The following NLRP1 variants were observed in gnomAD, a reference collection of about 807,000 sequenced individuals.
NLRP1 encodes NLR family pyrin domain containing 1, also known as NACHT, LRR and PYD domains-containing protein 1.
A neutral mutation model predicts 136.7 loss-of-function variants in NLRP1; 94 were observed. That is an observed-to-expected ratio of 0.69 (90% CI 0.58 to 0.82). NLRP1 has a LOEUF of 0.82. Among genes scored for constraint, NLRP1 ranks in the 40% least tolerant of loss-of-function variants. The probability of loss-of-function intolerance (pLI) is 0.00; values close to 1 mark genes in which losing one functional copy is unlikely to be tolerated. For missense variants in NLRP1, 1,575 were observed against 1,802.7 expected, an observed-to-expected ratio of 0.87 and a Z score of 2.29; for synonymous variants, 690 against 725.1, an observed-to-expected ratio of 0.95 and a Z score of 0.78.
chr17:5,556,161 C>CACACACACACATAT (rs908575596), intron 4 of NLRP1, among the ~76,000 whole-genome samples: 2 of 118,298 alleles, frequency 1.7e-5, no homozygotes, highest in African/African-American at 6.4e-5. Flanking sequence ...CACACACACA[C>CACACACACACATAT]ATGAAGGGCT....
In NLRP1 at chr17:5,583,603, C is replaced by G; in HGVS notation, c.271+84G>C. 8.8e-6 allele frequency: 12 copies of G among 1,371,270 alleles called. No individual in the cohort carries two copies. In the South Asian group the frequency reaches 1.7e-4, roughly 20 times the overall value. 84.9% of individuals were successfully genotyped at this position (1,371,270 alleles called of 1,614,324 possible). ...TCAGAGGAAGGCCTGGCAGGGAGGGCTCAGTGGTGGGGTCCCAAGAGGGCA... is the reference window on the plus strand; with the variant it reads ...TCAGAGGAAGGCCTGGCAGGGAGGGGTCAGTGGTGGGGTCCCAAGAGGGCA... On this transcript the variant is annotated intron_variant, in intron 1 of 16. Transcript: ENST00000572272. This position sits in a 1 kb window ranked among gnomAD's most constrained non-coding sequence, Gnocchi z 4.5.
At chr17:5,532,737 G>A in intron 11 of NLRP1, 85 bp downstream of exon 11, 1 of 1,238,782 alleles carries the variant, frequency 8.1e-7, no homozygotes, top group Non-Finnish European at 1.1e-6. Flanking sequence ...GGGGGTAGGG[G>A]GTGGCGCTGA....
chr17:5,542,965 GA>G (rs1912067392), intron 5 of NLRP1, among the ~76,000 whole-genome samples: 1 of 152,098 alleles, frequency 6.6e-6, no homozygotes, highest in African/African-American at 2.4e-5. Context: ...GAGTAGCTGG[GA>G]TTACAGGTGC....
At chr17:5,506,146 T>C (rs949780362) in intron 15 of NLRP1, among the ~76,000 whole-genome samples, 5 of 151,538 alleles carry the variant, frequency 3.3e-5, no homozygotes, top group Non-Finnish European at 7.4e-5. Context: ...TAGCTGGGCA[T>C]GGGGGTGGGC....
rs1914444952 is a variant in NLRP1, at chr17:5,559,132, C to T, written c.1564G>A (p.Val522Met). ...ELWALCLVPW[V>M]SWLACTCLMQ... Reference sequence around the variant, plus strand: ...AGGCAAGTGCAGGCCAGCCAGGACACCCAGGGCACAAGACACAGGGCCCAG... The same window carrying T: ...AGGCAAGTGCAGGCCAGCCAGGACATCCAGGGCACAAGACACAGGGCCCAG... The change falls in exon 4 of 17, where the codon GTG becomes ATG. Residue 522 changes from valine (V) to methionine (M), a missense_variant. Coordinates refer to ENST00000572272, the MANE Select transcript of NLRP1 (RefSeq NM_033004.4). 1 of 1,614,146 alleles carries T rather than the reference C, an allele frequency of 6.2e-7. No individual in the cohort carries two copies. Among genetic ancestry groups the T allele is most frequent in the Non-Finnish European group, 8.5e-7 (1 of 1,180,010 alleles).
intron 3 of NLRP1, among the ~76,000 whole-genome samples, chr17:5,575,956 T>G (rs576156760): frequency 6.6e-6 from 1 of 152,264 alleles, no homozygotes; most frequent in Non-Finnish European, 1.5e-5. Flanking sequence ...AAACTAGAAC[T>G]CAGGATTAAG....
At chr17:5,520,302 T>C (rs1026298443) in intron 14 of NLRP1, among the ~76,000 whole-genome samples, 20 of 152,306 alleles carry the variant, frequency 1.3e-4, no homozygotes, top group African/African-American at 4.8e-4. Flanking sequence ...TTTGCTATAC[T>C]GACCTCTTTT....
chr17:5,534,188 C>G (rs988537471), intron 8 of NLRP1, among the ~76,000 whole-genome samples, 200 bp from the exon 9 acceptor site: 5 of 151,968 alleles, frequency 3.3e-5, no homozygotes, highest in Non-Finnish European at 7.4e-5. Context: ...ATAGTGAGAC[C>G]TCCCCACCTC....
chr17:5,512,513 C>A, downstream of NLRP1: 1 of 636,290 alleles, frequency 1.6e-6, no homozygotes. Context: ...AATCTTCTTA[C>A]TTCCCATTGA....
intron 14 of NLRP1, 82 bp from the exon 15 acceptor site, chr17:5,517,969 C>T: frequency 1.4e-6 from 2 of 1,404,082 alleles, no homozygotes; most frequent in Non-Finnish European, 2.0e-6. Context: ...CTTGGCCCTG[C>T]TTGGCTCCAT....
intron 3 of NLRP1, among the ~76,000 whole-genome samples, chr17:5,573,985 G>C (rs1338379986): frequency 6.6e-6 from 1 of 152,164 alleles, no homozygotes; most frequent in Non-Finnish European, 1.5e-5. Flanking sequence ...GAGAGAAGAA[G>C]GCTTCAGAAG....
At chr17:5,517,640 C>G (rs973296633) in intron 15 of NLRP1, 106 bp downstream of exon 15, 2 of 1,299,074 alleles carry the variant, frequency 1.5e-6, no homozygotes, top group Non-Finnish European at 2.2e-6. Context: ...CCTGCCTCGG[C>G]CTCCCAAAGT....
chr17:5,526,291 G>C (rs1909545286), intron 12 of NLRP1, among the ~76,000 whole-genome samples: 2 of 152,102 alleles, frequency 1.3e-5, no homozygotes, highest in Non-Finnish European at 2.9e-5. Flanking sequence ...AAGGTATTTT[G>C]AATATCCATT....
intron 5 of NLRP1, among the ~76,000 whole-genome samples, chr17:5,545,399 C>T (rs896873116): frequency 4.7e-5 from 7 of 149,010 alleles, no homozygotes; most frequent in Non-Finnish European, 6.0e-5. Flanking sequence ...CAGACACACA[C>T]GGATACACAC....
intron 5 of NLRP1, among the ~76,000 whole-genome samples, chr17:5,547,403 T>C (rs977233912): frequency 1.3e-5 from 2 of 152,224 alleles, no homozygotes; most frequent in South Asian, 2.1e-4. Flanking sequence ...AACCTACCCA[T>C]AGTTTTCAAT....
chr17:5,529,163 C>A (rs1476645206), intron 12 of NLRP1, among the ~76,000 whole-genome samples: 1 of 151,754 alleles, frequency 6.6e-6, no homozygotes, highest in East Asian at 1.9e-4. Context: ...GATTTTTTCT[C>A]TCCCTTCTCT....
chr17:5,520,977 C>T lies in NLRP1; in HGVS notation c.3819G>A (p.Val1273=). The T allele has an allele frequency of 6.2e-7, 1 of 1,611,858 alleles. No homozygotes were observed. The highest frequency in any genetic ancestry group is 8.5e-7 in the Non-Finnish European group (1 of 1,178,886). ...TCAGCGGGGGTGGCTTGTGGATTCG[C>T]ACAAACTGGAATTTCATTTCTAGAT... The part of the protein sequence containing the change: ...IDDLEMKFQF[V]RIHKPPPLTP... The change falls in exon 14 of 17, where the codon GTG becomes GTA. Residue 1273 remains valine (V), a synonymous_variant. Transcript: ENST00000572272.
At position 5,556,115 on chromosome 17, in the gene NLRP1, TACACACACACACACACACACAC is replaced by T. The variant is rs59028107; in HGVS notation, c.2357+2202_2357+2223del. Among the ~76,000 whole-genome samples the T allele has an allele frequency of 2.5e-5, 3 of 119,008 alleles. No individual in the cohort carries two copies. In the East Asian group the frequency reaches 7.7e-4, roughly 31 times the overall value. 78.1% of individuals were successfully genotyped at this position (119,008 alleles called of 152,430 possible). A position where few individuals can be genotyped will look rare whatever the true frequency, so the allele number is the denominator to read the frequency against. ...CTGTCTCTGTCTCTGTCTCTCTCTC[TACACACACACACACACACACAC>T]ACACACACACACACACACACACACA... On this transcript the variant is annotated intron_variant, in intron 4 of 16. Coordinates refer to ENST00000572272, the MANE Select transcript of NLRP1 (RefSeq NM_033004.4).
intron 12 of NLRP1, among the ~76,000 whole-genome samples, chr17:5,528,557 T>C (rs1349400393): frequency 6.6e-6 from 1 of 152,196 alleles, no homozygotes; most frequent in East Asian, 1.9e-4. Flanking sequence ...TACTGAACTT[T>C]TGTGGCCTCA....
Sources: allele counts gnomAD v4.1 joint callset (sites outside exome capture counted in the v4.1 genomes callset), GRCh38; gene constraint gnomAD v4.1.1; non-coding constraint Gnocchi (gnomAD v3.1); transcripts MANE v1.5; gene names NCBI Gene and HGNC (gene_info 2026-07-23, HGNC 2026-07-21).